Variants in SPAST observed in about 807,000 individuals in gnomAD.
The protein encoded by SPAST is spastic paraplegia 4 (autosomal dominant; spastin).
A neutral mutation model predicts 76.6 loss-of-function variants in SPAST; 30 were observed. That is an observed-to-expected ratio of 0.39 (90% confidence interval 0.29 to 0.53). The LOEUF (loss-of-function observed/expected upper bound fraction) is 0.53, where lower values mean the gene tolerates loss of function less well. Ranked by LOEUF, SPAST falls within the 20% of genes least tolerant of loss-of-function variation. The probability of loss-of-function intolerance (pLI) is 0.68; values close to 1 mark genes in which losing one functional copy is unlikely to be tolerated. For missense variants in SPAST, 717 were observed against 770.5 expected, an observed-to-expected ratio of 0.93 and a Z score of 0.82; for synonymous variants, 305 against 281.0, an observed-to-expected ratio of 1.09 and a Z score of -0.86.
At chr2:32,135,330 C>G (rs1487296134) in intron 9 of SPAST, among the ~76,000 whole-genome samples, 1 of 151,522 alleles carries the variant, frequency 6.6e-6, no homozygotes, top group African/African-American at 2.4e-5. Flanking sequence ...GAGGTTTCAC[C>G]GTGTTAGCCA....
At chr2:32,131,671 CTTTTTTTTTTT>C (rs541036416) in intron 9 of SPAST, among the ~76,000 whole-genome samples, 2 of 108,018 alleles carry the variant, frequency 1.9e-5, no homozygotes, top group East Asian at 2.7e-4. Flanking sequence ...CAACCATTCT[CTTTTTTTTTTT>C]TTTTTTTTTT....
chr2:32,094,185 T>C (rs1014603960), intron 3 of SPAST, among the ~76,000 whole-genome samples: 5 of 152,214 alleles, frequency 3.3e-5, no homozygotes, highest in African/African-American at 1.2e-4. Flanking sequence ...CCAGACCTTC[T>C]GAGTTATTGA....
chr2:32,092,651 C>T (rs1260863599), intron 3 of SPAST, among the ~76,000 whole-genome samples: 2 of 152,098 alleles, frequency 1.3e-5, no homozygotes, highest in Admixed American at 1.3e-4. Flanking sequence ...TGTCTGTTTT[C>T]ACCCTCAAAA....
At chr2:32,083,987 C>T (rs1677369883) in intron 1 of SPAST, among the ~76,000 whole-genome samples, 1 of 149,352 alleles carries the variant, frequency 6.7e-6, no homozygotes, top group Non-Finnish European at 1.5e-5. Flanking sequence ...CCATGTTGTC[C>T]AGGCTGGTCT....
Position 32,150,197 on chromosome 2 carries a change from C to T in SPAST, c.1728+2939C>T, listed in dbSNP as rs534030009. On this transcript the variant is annotated intron_variant, in intron 16 of 16. Coordinates refer to ENST00000315285, the MANE Select transcript of SPAST (RefSeq NM_014946.4). ...AAGTGATTCTCCTGCCTCAGCCTCC[C>T]GAGTAGCTGGGACTACAGGTGCACG... Among the ~76,000 whole-genome samples the T allele has an allele frequency of 3.3e-3, 487 of 147,732 alleles. 1 individual carries two copies. Among genetic ancestry groups the T allele is most frequent in the African/African-American group, 0.012 (473 of 40,216 alleles).
At chr2:32,126,365 G>A (rs1239642787) in intron 7 of SPAST, 3 of 148,528 alleles carry the variant, frequency 2.0e-5, no homozygotes, top group African/African-American at 7.4e-5. Flanking sequence ...TATTCATTTA[G>A]TATTTTTTGG....
At chr2:32,108,919 C>G (rs184130580) in intron 4 of SPAST, among the ~76,000 whole-genome samples, 14 of 151,374 alleles carry the variant, frequency 9.2e-5, no homozygotes, top group African/African-American at 3.4e-4. Flanking sequence ...ATGCGTGCCA[C>G]CATACCCAGC....
chr2:32,110,429 A>G (rs1678510061), intron 4 of SPAST, among the ~76,000 whole-genome samples: 1 of 147,002 alleles, frequency 6.8e-6, no homozygotes, highest in African/African-American at 2.5e-5. Context: ...CTATACATAT[A>G]TAGTTATATA....
At chr2:32,073,776 C>G (rs1186467384) in intron 1 of SPAST, among the ~76,000 whole-genome samples, 4 of 152,324 alleles carry the variant, frequency 2.6e-5, no homozygotes, top group African/African-American at 9.6e-5. Context: ...TGAACACTGT[C>G]ACATCTCAGC....
chr2:32,114,175 TG>T lies in SPAST; in HGVS notation c.683-460del, dbSNP rs796107222. 6.6e-5 allele frequency among the ~76,000 whole-genome samples: 10 copies of T among 152,110 alleles called. 1 individual carries two copies. The highest frequency in any genetic ancestry group is 2.4e-4 in the African/African-American group (10 of 41,508). ...ATCCCAGCACTTTGGGAGGCCAAGG[TG>T]GGAGGATTGCCTGAGCCCAGGAGTT... On this transcript the variant is annotated intron_variant, in intron 4 of 16. Transcript: ENST00000315285.
At chr2:32,132,920 C>A (rs1417367050) in intron 9 of SPAST, among the ~76,000 whole-genome samples, 1 of 152,144 alleles carries the variant, frequency 6.6e-6, no homozygotes, top group African/African-American at 2.4e-5. Context: ...GTGGCACATG[C>A]CTGTAATCCC....
rs556015296 is a variant in SPAST at position 32,067,845 on chromosome 2, A to G, written c.415+3599A>G. 4.6e-5 allele frequency among the ~76,000 whole-genome samples: 7 copies of G among 151,656 alleles called. No homozygotes were observed. In the East Asian group the frequency reaches 1.4e-3, roughly 29 times the overall value. ...CAATATTTTGAACAATAAAAAAAAA[A>G]TAAATTAGGTTTTATTGTAAAGTGG... On this transcript the variant is annotated intron_variant, in intron 1 of 16. Coordinates refer to ENST00000315285, the MANE Select transcript of SPAST (RefSeq NM_014946.4).
chr2:32,111,765 C>G (rs1243282711), intron 4 of SPAST, among the ~76,000 whole-genome samples: 1 of 151,164 alleles, frequency 6.6e-6, no homozygotes, highest in East Asian at 1.9e-4. Context: ...GTCTGAAATA[C>G]CCTCATTTTA....
At chr2:32,069,666 C>G (rs1003248299) in intron 1 of SPAST, among the ~76,000 whole-genome samples, 2 of 151,510 alleles carry the variant, frequency 1.3e-5, no homozygotes, top group Admixed American at 6.6e-5. Context: ...ACGCCATTTT[C>G]CTGCCTCAGC....
At chr2:32,094,718 C>G (rs1190126186) in intron 3 of SPAST, among the ~76,000 whole-genome samples, 1 of 152,164 alleles carries the variant, frequency 6.6e-6, no homozygotes, top group African/African-American at 2.4e-5. Context: ...GCCTATAATC[C>G]CAGCTCTTTG....
intron 16 of SPAST, among the ~76,000 whole-genome samples, chr2:32,150,951 C>CTTTTT (rs113065520): frequency 7.0e-6 from 1 of 143,352 alleles, no homozygotes; most frequent in Non-Finnish European, 1.5e-5. Flanking sequence ...CTACTGTATA[C>CTTTTT]TTTTTTTTTT....
intron 1 of SPAST, among the ~76,000 whole-genome samples, chr2:32,075,547 C>CTTTTTTTTTTTTTTTTTTTT (rs773998404): frequency 1.2e-5 from 1 of 85,494 alleles, no homozygotes; most frequent in Non-Finnish European, 2.1e-5. Context: ...TGGCTTTTTT[C>CTTTTTTTTTTTTTTTTTTTT]TTTTTTTTTT....
chr2:32,075,894 C>CTTTTTTTTTTTTTT (rs1286144548), intron 1 of SPAST, among the ~76,000 whole-genome samples: 1 of 87,162 alleles, frequency 1.1e-5, no homozygotes, highest in Non-Finnish European at 2.1e-5. Context: ...ATTCAAAATG[C>CTTTTTTTTTTTTTT]TCTTTTTTTT....
intron 16 of SPAST, among the ~76,000 whole-genome samples, chr2:32,150,530 T>G (rs1286834447): frequency 6.6e-6 from 1 of 151,884 alleles, no homozygotes; most frequent in East Asian, 1.9e-4. Flanking sequence ...CTCTAGCTCC[T>G]GGGCTCAGGC....
Sources: gnomAD v4.1 joint callset for allele counts (sites outside exome capture counted in the v4.1 genomes callset) on GRCh38, gnomAD v4.1.1 for gene constraint, MANE v1.5 for transcripts, NCBI Gene and HGNC (gene_info 2026-07-23, HGNC 2026-07-21) for gene names.